PCDHGB2: variants seen among roughly 807,000 people sequenced by gnomAD.
PCDHGB2 encodes the protein protocadherin gamma subfamily B, 2.
In PCDHGB2, 55 loss-of-function variants were observed where a neutral mutation model predicts 59.3. The ratio of observed to expected loss-of-function variants is 0.93; its 90% CI spans 0.75 to 1.16. PCDHGB2 has a LOEUF of 1.16. Among genes scored for constraint, PCDHGB2 ranks in the 50% most tolerant of loss-of-function variants. PCDHGB2 has a pLI of 0.00. For missense variants in PCDHGB2, 1,228 were observed against 1,198.5 expected, an observed-to-expected ratio of 1.02 and a Z score of -0.36; for synonymous variants, 516 against 512.0, an observed-to-expected ratio of 1.01 and a Z score of -0.11.
At chr5:141,415,081 C>T in intron 1 of PCDHGB2, 1 of 1,613,522 alleles carries the variant, frequency 6.2e-7, no homozygotes, top group Non-Finnish European at 8.5e-7. Context: ...GGCGCGAGCC[C>T]TGCTGGACAG....
At position 141,474,199 on chromosome 5, in the gene PCDHGB2, G is replaced by C. The variant is rs74540928; in HGVS notation, c.2422-20608G>C. Reference sequence around the variant, plus strand: ...AAAACTACTTACATTTTTAAAAGCTGATTTTCAAAAACCAGATTGTGAATT... The same window carrying C: ...AAAACTACTTACATTTTTAAAAGCTCATTTTCAAAAACCAGATTGTGAATT... On this transcript the variant is annotated intron_variant, in intron 1 of 3. Transcript: ENST00000522605. Among the ~76,000 whole-genome samples, 85 of 152,308 alleles carry C rather than the reference G, an allele frequency of 5.6e-4. 1 individual carries two copies. In the East Asian group the frequency reaches 0.016, roughly 29 times the overall value.
Position 141,430,120 on chromosome 5 carries a change from G to A in PCDHGB2, c.2422-64687G>A, listed in dbSNP as rs73280905. Among the ~76,000 whole-genome samples, 1,257 of 152,134 alleles carry A rather than the reference G, an allele frequency of 8.3e-3. 17 individuals are homozygous for A. Among genetic ancestry groups the A allele is most frequent in the African/African-American group, 0.029 (1,193 of 41,506 alleles). Reference sequence around the variant, plus strand: ...TTAAGCGTTACATGTCAACAACCTGGTAAAGTAATCCTTCCATTCAGGATC... The same window carrying A: ...TTAAGCGTTACATGTCAACAACCTGATAAAGTAATCCTTCCATTCAGGATC... On this transcript the variant is annotated intron_variant, in intron 1 of 3. Coordinates refer to ENST00000522605, the MANE Select transcript of PCDHGB2 (RefSeq NM_018923.3).
chr5:141,372,613 TC>T, intron 1 of PCDHGB2: 1 of 1,614,018 alleles, frequency 6.2e-7, no homozygotes, highest in Non-Finnish European at 8.5e-7. Context: ...CCTGGAGTTC[TC>T]CCCACCTACA....
rs543908773 is a variant in PCDHGB2, at chr5:141,400,145, A to G, written c.2421+37589A>G. ...CAGGAGGTGCTGCCGGATATCACTG[A>G]CCGCCCTGTACCCTCTGACCCCCAG... On this transcript the variant is annotated intron_variant, in intron 1 of 3. Coordinates refer to ENST00000522605, the MANE Select transcript of PCDHGB2 (RefSeq NM_018923.3). The G allele has an allele frequency of 4.1e-5, 66 of 1,613,312 alleles. No individual in the cohort carries two copies. The South Asian group carries it at 5.4e-4, about 13-fold the overall frequency.
Position 141,405,224 on chromosome 5 carries a change from T to C in PCDHGB2, c.2421+42668T>C, listed in dbSNP as rs542102197. Reference sequence around the variant, plus strand: ...CCTACAGACCTATTCTCAGGAGTTCTCCCTCACCGCTGACTCAAGGAAGAG... The same window carrying C: ...CCTACAGACCTATTCTCAGGAGTTCCCCCTCACCGCTGACTCAAGGAAGAG... On this transcript the variant is annotated intron_variant, in intron 1 of 3. Coordinates refer to ENST00000522605, the MANE Select transcript of PCDHGB2 (RefSeq NM_018923.3). The C allele has an allele frequency of 2.6e-5, 42 of 1,614,036 alleles. No homozygotes were observed. The African/African-American group carries it at 4.7e-4, about 18-fold the overall frequency.
rs765243043 is a variant in PCDHGB2 at position 141,390,219 on chromosome 5, T to C, written c.2421+27663T>C. On this transcript the variant is annotated intron_variant, in intron 1 of 3. Coordinates refer to ENST00000522605, the MANE Select transcript of PCDHGB2 (RefSeq NM_018923.3). ...GTTGAGTTCAGGACAAGACATACTT[T>C]GCGGTGATTCATCTGGGGCCTTATT... 3.1e-6 allele frequency: 5 copies of C among 1,614,066 alleles called. No individual in the cohort carries two copies. In the South Asian group the frequency reaches 5.5e-5, roughly 18 times the overall value.
At position 141,431,035 on chromosome 5, in the gene PCDHGB2, G is replaced by C; in HGVS notation, c.2422-63772G>C. The C allele has an allele frequency of 6.2e-7, 1 of 1,614,186 alleles. No individual in the cohort carries two copies. Among genetic ancestry groups the C allele is most frequent in the South Asian group, 1.1e-5 (1 of 91,086 alleles). ...TGGTCACGGCGGGCAGGATAGACCG[G>C]GAGGAGCTCTGTATGGGGGCCATCA... On this transcript the variant is annotated intron_variant, in intron 1 of 3. Transcript: ENST00000522605. The surrounding 1 kb of genome is among the most constrained non-coding windows in gnomAD (Gnocchi z 4.8).
intron 1 of PCDHGB2, chr5:141,404,270 C>T (rs1359018673): frequency 5.0e-6 from 8 of 1,614,010 alleles, no homozygotes; most frequent in Non-Finnish European, 6.8e-6. Flanking sequence ...TCACATCACC[C>T]TGCAAGTGAC....
Position 141,491,964 on chromosome 5 carries a change from C to A in PCDHGB2, c.2422-2843C>A. On this transcript the variant is annotated intron_variant, in intron 1 of 3. Transcript: ENST00000522605. The surrounding 1 kb of genome is among the most constrained non-coding windows in gnomAD (Gnocchi z 6.9). ...CCCCACCCCTACACTCAAAAAAGGC[C>A]GGGGCCTCCTTCGAGCTTCCGGTGA... The A allele has an allele frequency of 1.1e-6, 1 of 943,952 alleles. No homozygotes were observed. The highest frequency in any genetic ancestry group is 1.5e-6 in the Non-Finnish European group (1 of 671,094). 58.5% of individuals were successfully genotyped at this position (943,952 alleles called of 1,614,324 possible). A position where few individuals can be genotyped will look rare whatever the true frequency, so the allele number is the denominator to read the frequency against.
rs1270447529 is a variant in PCDHGB2 at position 141,490,526 on chromosome 5, C to A, written c.2422-4281C>A. 3 of 1,614,116 alleles carry A rather than the reference C, an allele frequency of 1.9e-6. No homozygotes were observed. Among genetic ancestry groups the A allele is most frequent in the Non-Finnish European group, 2.5e-6 (3 of 1,180,008 alleles). On this transcript the variant is annotated intron_variant, in intron 1 of 3. Transcript: ENST00000522605. This position sits in a 1 kb window ranked among gnomAD's most constrained non-coding sequence, Gnocchi z 5.4. ...ATCATCGAGCTGCTGGCCAGCGATG[C>A]TGGTTCACCTTCCCTACACAAACAT...
chr5:141,427,998 C>A, intron 1 of PCDHGB2: 1 of 1,600,956 alleles, frequency 6.2e-7, no homozygotes, highest in Non-Finnish European at 8.6e-7. Context: ...TGGCTCCGCA[C>A]TCTTCGATAT....
At chr5:141,453,379 C>T (rs980792532) in intron 1 of PCDHGB2, among the ~76,000 whole-genome samples, 1 of 152,050 alleles carries the variant, frequency 6.6e-6, no homozygotes, top group Non-Finnish European at 1.5e-5. Context: ...AGTGATCCTC[C>T]TGCCTTAGCC....
chr5:141,487,451 A>G lies in PCDHGB2; in HGVS notation c.2422-7356A>G. 6.2e-7 allele frequency: 1 copy of G among 1,614,122 alleles called. No homozygotes were observed. Among genetic ancestry groups the G allele is most frequent in the Non-Finnish European group, 8.5e-7 (1 of 1,180,006 alleles). On this transcript the variant is annotated intron_variant, in intron 1 of 3. Transcript: ENST00000522605. This position sits in a 1 kb window ranked among gnomAD's most constrained non-coding sequence, Gnocchi z 5.0. ...AATCCAGCTAGGGTCAGATGACCCT[A>G]TCAAGTTTGTTGATGTGGGAGGCCA...
rs766765576 is a variant in PCDHGB2 at position 141,361,851 on chromosome 5, C to T, written c.1716C>T (p.Ser572=). 5.6e-6 allele frequency: 9 copies of T among 1,612,474 alleles called. No homozygotes were observed. In the East Asian group the frequency reaches 1.8e-4, roughly 32 times the overall value. The stretch of plus-strand genomic sequence containing the variant: ...ACCCCGCGCTGGGGCCTGATGGCTC[C>T]GCCCTCTTCGATATGGTGCCACGCG... ...VLYPALGPDG[S]ALFDMVPRAA... The change falls in exon 1 of 4, where the codon TCC becomes TCT. Residue 572 remains serine (S), a synonymous_variant. Coordinates refer to ENST00000522605, the MANE Select transcript of PCDHGB2 (RefSeq NM_018923.3).
At chr5:141,375,105 A>G (rs371346343) in intron 1 of PCDHGB2, 56 of 1,613,840 alleles carry the variant, frequency 3.5e-5, no homozygotes, top group East Asian at 3.1e-4. Context: ...TTGGATGTCA[A>G]TGATAATGTA....
rs1001717368 is a variant in PCDHGB2 at position 141,405,559 on chromosome 5, G to A, written c.2421+43003G>A. ...CTCAGCCTCCCAAGTAGAGTAGCTG[G>A]GACTAGAGTAGAGTAGCTGGGACTA... On this transcript the variant is annotated intron_variant, in intron 1 of 3. Transcript: ENST00000522605. 1.8e-5 allele frequency: 11 copies of A among 614,566 alleles called. No individual in the cohort carries two copies. In the Admixed American group the frequency reaches 2.9e-4, roughly 16 times the overall value. The allele number at this position is 614,566 out of a possible 1,614,324, so 38.1% of individuals were successfully genotyped here.
intron 1 of PCDHGB2, chr5:141,417,739 C>T: frequency 6.4e-6 from 9 of 1,411,706 alleles, no homozygotes; most frequent in Non-Finnish European, 5.6e-6. Flanking sequence ...GCCCAGCACA[C>T]CAGATTGCCA....
rs1253890351 is a variant in PCDHGB2, at chr5:141,372,427, G to T, written c.2421+9871G>T. The T allele has an allele frequency of 3.1e-6, 5 of 1,613,872 alleles. No homozygotes were observed. Among genetic ancestry groups the T allele is most frequent in the East Asian group, 2.2e-5 (1 of 44,888 alleles). On this transcript the variant is annotated intron_variant, in intron 1 of 3. Coordinates refer to ENST00000522605, the MANE Select transcript of PCDHGB2 (RefSeq NM_018923.3). ...GAGATACAACCTGACCTTAGCGACC[G>T]CCCCACTCCCTCTGACCCTCAGGCG...
rs200524415 is a variant in PCDHGB2, at chr5:141,487,436, G to C, written c.2422-7371G>C. 1 of 1,614,176 alleles carries C rather than the reference G, an allele frequency of 6.2e-7. No individual in the cohort carries two copies. Among genetic ancestry groups the C allele is most frequent in the East Asian group, 2.2e-5 (1 of 44,870 alleles). ...CAATGGGATCCTCCGAATCCAGCTAGGGTCAGATGACCCTATCAAGTTTGT... is the reference window on the plus strand; with the variant it reads ...CAATGGGATCCTCCGAATCCAGCTACGGTCAGATGACCCTATCAAGTTTGT... On this transcript the variant is annotated intron_variant, in intron 1 of 3. Coordinates refer to ENST00000522605, the MANE Select transcript of PCDHGB2 (RefSeq NM_018923.3). This position sits in a 1 kb window ranked among gnomAD's most constrained non-coding sequence, Gnocchi z 5.0.
Sources: gnomAD v4.1 joint callset for allele counts (sites outside exome capture counted in the v4.1 genomes callset) on GRCh38, gnomAD v4.1.1 for gene constraint, Gnocchi (gnomAD v3.1) non-coding constraint, MANE v1.5 for transcripts, NCBI Gene and HGNC (gene_info 2026-07-23, HGNC 2026-07-21) for gene names.